The following GSK3B variants were observed in gnomAD, a reference collection of about 807,000 sequenced individuals.
GSK3B encodes glycogen synthase kinase-3 beta.
A neutral mutation model predicts 56.4 loss-of-function variants in GSK3B; 15 were observed. That is an observed-to-expected ratio of 0.27 (90% confidence interval 0.18 to 0.41). The LOEUF is 0.41. GSK3B is among the 10% of genes least tolerant of loss of function. The pLI, the probability that GSK3B is intolerant of heterozygous loss-of-function variation, is 1.00. For synonymous variants in GSK3B, 181 were observed against 188.9 expected (o/e 0.96, Z 0.34); for missense variants, 300 against 513.4 (o/e 0.58, Z 4.02).
intron 3 of GSK3B, among the ~76,000 whole-genome samples, chr3:119,925,586 A>C (rs373475074): frequency 2.1e-4 from 32 of 152,208 alleles, no homozygotes; most frequent in Middle Eastern, 3.4e-3. Flanking sequence ...TAAAGCAAAA[A>C]CAAAAATGGT....
chr3:120,009,592 A>G (rs1247701618), intron 1 of GSK3B, among the ~76,000 whole-genome samples: 1 of 152,162 alleles, frequency 6.6e-6, no homozygotes, highest in East Asian at 1.9e-4. Flanking sequence ...TCACAAGCTC[A>G]GAAAACCAAA....
At chr3:119,899,534 C>T (rs2056604937) in intron 7 of GSK3B, among the ~76,000 whole-genome samples, 1 of 152,036 alleles carries the variant, frequency 6.6e-6, no homozygotes, top group Non-Finnish European at 1.5e-5. Context: ...TATTGGAAAA[C>T]GTAGAACTCT....
chr3:119,878,569 CAT>C (rs2056341286), intron 7 of GSK3B, among the ~76,000 whole-genome samples: 1 of 152,128 alleles, frequency 6.6e-6, no homozygotes, highest in African/African-American at 2.4e-5. Context: ...AAAAGTTAAA[CAT>C]ATACATATCA....
chr3:119,984,054 A>C (rs2057489907), intron 2 of GSK3B, among the ~76,000 whole-genome samples: 1 of 152,336 alleles, frequency 6.6e-6, no homozygotes, highest in African/African-American at 2.4e-5. Flanking sequence ...TAAGAAACTC[A>C]CTCAAAACTG....
chr3:120,050,091 T>G (rs2058136051), intron 1 of GSK3B, among the ~76,000 whole-genome samples: 1 of 152,170 alleles, frequency 6.6e-6, no homozygotes, highest in Non-Finnish European at 1.5e-5. Flanking sequence ...AAAGGGGAAG[T>G]GGTCAGATGT....
chr3:119,843,582 A>C, intron 9 of GSK3B: 1 of 213,780 alleles, frequency 4.7e-6, no homozygotes, highest in Non-Finnish European at 9.6e-6. Context: ...GTCTCTACTA[A>C]AAATACAAAA....
At chr3:119,912,878 G>T in intron 5 of GSK3B, 68 bp from the exon 6 acceptor site, 1 of 672,322 alleles carries the variant, frequency 1.5e-6, no homozygotes, top group Non-Finnish European at 2.6e-6. Context: ...AACTTAGACT[G>T]CTATCCTTTC....
chr3:119,929,604 C>T (rs576504808), intron 3 of GSK3B, among the ~76,000 whole-genome samples: 76 of 151,682 alleles, frequency 5.0e-4, no homozygotes, highest in African/African-American at 1.1e-3. Context: ...ACCATTTCTA[C>T]AAAAAAACAA....
chr3:120,066,200 C>G (rs1387058509), intron 1 of GSK3B, among the ~76,000 whole-genome samples: 2 of 152,090 alleles, frequency 1.3e-5, no homozygotes, highest in African/African-American at 4.8e-5. Context: ...AACCACCAAC[C>G]CAGAGCAACA....
chr3:119,872,267 T>C lies in GSK3B; in HGVS notation c.909+4146A>G, dbSNP rs186916360. Among the ~76,000 whole-genome samples the C allele has an allele frequency of 2.6e-5, 4 of 152,142 alleles. No individual in the cohort carries two copies. In the East Asian group the frequency reaches 5.8e-4, roughly 22 times the overall value. On this transcript the variant is annotated intron_variant, in intron 8 of 10. Transcript: ENST00000264235. Reference sequence around the variant, plus strand: ...TCAAGAAGGTTGGGAATAGGACAAATACTAAATACTCTATTTTTCTGGAAA... The same window carrying C: ...TCAAGAAGGTTGGGAATAGGACAAACACTAAATACTCTATTTTTCTGGAAA...
At chr3:119,963,789 T>C (rs905140286) in intron 2 of GSK3B, among the ~76,000 whole-genome samples, 4 of 152,100 alleles carry the variant, frequency 2.6e-5, no homozygotes, top group Admixed American at 1.3e-4. Context: ...TTTCAATAAA[T>C]GGTGTTGGAA....
At chr3:119,850,492 A>C (rs561771267) in intron 9 of GSK3B, among the ~76,000 whole-genome samples, 1 of 152,192 alleles carries the variant, frequency 6.6e-6, no homozygotes, top group Non-Finnish European at 1.5e-5. Flanking sequence ...CTCTTGCTAT[A>C]GTCCTATTCT....
At chr3:119,906,792 C>T (rs1043947350) in intron 6 of GSK3B, among the ~76,000 whole-genome samples, 5 of 151,980 alleles carry the variant, frequency 3.3e-5, no homozygotes, top group South Asian at 2.1e-4. Flanking sequence ...TACCACCTAC[C>T]AGTACGGAAG....
intron 1 of GSK3B, among the ~76,000 whole-genome samples, chr3:120,039,602 C>T (rs149269235): frequency 0.014 from 2,115 of 152,288 alleles, 53 homozygotes; most frequent in Admixed American, 0.035. Flanking sequence ...CATCACCCTT[C>T]GAAACCACAC....
At chr3:119,935,801 CAAAAT>C (rs1327481074) in intron 3 of GSK3B, among the ~76,000 whole-genome samples, 1 of 152,012 alleles carries the variant, frequency 6.6e-6, no homozygotes, top group Non-Finnish European at 1.5e-5. Flanking sequence ...AAAACAAAAA[CAAAAT>C]AAAACTACTG....
At chr3:119,982,716 G>C (rs1483062991) in intron 2 of GSK3B, among the ~76,000 whole-genome samples, 1 of 152,170 alleles carries the variant, frequency 6.6e-6, no homozygotes, top group African/African-American at 2.4e-5. Flanking sequence ...TATGTGAAAA[G>C]ACCAAATCTA....
intron 1 of GSK3B, among the ~76,000 whole-genome samples, chr3:120,048,038 T>C (rs1322963266): frequency 2.0e-5 from 3 of 152,240 alleles, no homozygotes; most frequent in African/African-American, 4.8e-5. Context: ...CACTTCCAAA[T>C]ATATGAACTA....
At chr3:119,837,301 C>T (rs918636203) in intron 10 of GSK3B, among the ~76,000 whole-genome samples, 2 of 150,554 alleles carry the variant, frequency 1.3e-5, no homozygotes, top group African/African-American at 4.9e-5. Context: ...ACTATAGGCA[C>T]CCGCTACTAC....
At chr3:120,031,729 CACT>C (rs1232076630) in intron 1 of GSK3B, among the ~76,000 whole-genome samples, 1 of 152,216 alleles carries the variant, frequency 6.6e-6, no homozygotes, top group African/African-American at 2.4e-5. Flanking sequence ...ATACTCTTTC[CACT>C]ACTTCTTAAG....
Sources: allele counts gnomAD v4.1 joint callset (sites outside exome capture counted in the v4.1 genomes callset), GRCh38; gene constraint gnomAD v4.1.1; transcripts MANE v1.5; gene names NCBI Gene and HGNC (gene_info 2026-07-23, HGNC 2026-07-21).